Variants in CD209 observed in about 807,000 individuals in gnomAD.
CD209 encodes the protein CD209 molecule, also known as CD209 antigen.
Under a neutral mutation model 44.7 loss-of-function variants are expected in CD209, and 31 were observed. The observed-to-expected ratio is 0.69, with a 90% confidence interval of 0.52 to 0.94. The LOEUF (loss-of-function observed/expected upper bound fraction) is 0.94, where lower values mean the gene tolerates loss of function less well. Among genes scored for constraint, CD209 ranks in the 40% least tolerant of loss-of-function variants. The pLI is 0.00. For synonymous variants in CD209, 173 were observed against 181.3 expected, an observed-to-expected ratio of 0.95 and a Z score of 0.37; for missense variants, 407 against 452.4, an observed-to-expected ratio of 0.90 and a Z score of 0.91.
chr19:7,742,720 G>A lies in CD209; in HGVS notation c.*319C>T. 2.7e-6 allele frequency: 1 copy of A among 363,734 alleles called. No individual in the cohort carries two copies. Among genetic ancestry groups the A allele is most frequent in the South Asian group, 3.9e-5 (1 of 25,550 alleles). The allele number at this position is 363,734 out of a possible 1,614,324, so 22.5% of individuals were successfully genotyped here. ...AGTTGAACAGATGGTAGGTTTGCAT[G>A]TATAAGATAACGCCCCAGGGGACAT... On this transcript the variant is annotated 3_prime_UTR_variant, in exon 7 of 7. Coordinates refer to ENST00000315599, the MANE Select transcript of CD209 (RefSeq NM_021155.4).
chr19:7,741,238 G>A lies in CD209; in HGVS notation c.*1801C>T, dbSNP rs549990133. On this transcript the variant is annotated 3_prime_UTR_variant, in exon 7 of 7. Transcript: ENST00000315599. ...TGTAATCCCAGCACTTTGGGAGGAC[G>A]CGGCGGGCGAATCACGAGGTCAAGA... The A allele has an allele frequency of 7.6e-6, 4 of 529,428 alleles. No homozygotes were observed. Among genetic ancestry groups the A allele is most frequent in the African/African-American group, 1.9e-5 (1 of 51,386 alleles). The allele number at this position is 529,428 out of a possible 1,614,324, so 32.8% of individuals were successfully genotyped here.
Position 7,741,208 on chromosome 19 carries a change from A to C in CD209, c.*1831T>G. The C allele has an allele frequency of 1.3e-5, 9 of 713,782 alleles. No homozygotes were observed. Among genetic ancestry groups the C allele is most frequent in the South Asian group, 2.1e-5 (1 of 48,150 alleles). The allele number at this position is 713,782 out of a possible 1,614,324, so 44.2% of individuals were successfully genotyped here. On this transcript the variant is annotated 3_prime_UTR_variant, in exon 7 of 7. Coordinates refer to ENST00000315599, the MANE Select transcript of CD209 (RefSeq NM_021155.4). ...GGGGAGAGACTGGGCGCGGTGGCTC[A>C]GGCCTGTAATCCCAGCACTTTGGGA...
rs375667157 is a variant in CD209 at position 7,747,465 on chromosome 19, C to A, written c.46+1G>T. ...ATCCCAGCGTCCCAACCCAGCCTCA[C>A]CCAGGAGGCCCAGCTGCTGCAGTCT... On this transcript the variant is annotated splice_donor_variant, in intron 1 of 6. Transcript: ENST00000315599. LOFTEE classifies it high-confidence loss of function. 2 of 1,614,120 alleles carry A rather than the reference C, an allele frequency of 1.2e-6. No individual in the cohort carries two copies. The highest frequency in any genetic ancestry group is 1.7e-6 in the Non-Finnish European group (2 of 1,180,048).
chr19:7,744,326 T>C, intron 5 of CD209, 107 bp from the exon 6 acceptor site: 1 of 808,352 alleles, frequency 1.2e-6, no homozygotes, highest in East Asian at 2.5e-5. Flanking sequence ...CCTACAGCCT[T>C]CTGGTATACT....
chr19:7,744,838 G>A, intron 5 of CD209, 103 bp downstream of exon 5: 1 of 1,479,440 alleles, frequency 6.8e-7, no homozygotes, highest in Non-Finnish European at 9.2e-7. Flanking sequence ...TTCTTTCCAA[G>A]TGGAGCAAAA....
At chr19:7,747,395 G>A (rs747395841) in intron 1 of CD209, 30 bp from the exon 2 acceptor site, 2 of 1,614,218 alleles carry the variant, frequency 1.2e-6, no homozygotes, top group East Asian at 2.2e-5. Context: ...ATCAGAGCCT[G>A]GGCAGGCTGA....
At chr19:7,746,588 G>A in intron 2 of CD209, 57 bp from the exon 3 acceptor site, 1 of 1,566,894 alleles carries the variant, frequency 6.4e-7, no homozygotes, top group East Asian at 2.2e-5. Flanking sequence ...CTGGCCCAGG[G>A]AGAGCCTGGT....
rs770776053 is a variant in CD209 at position 7,745,603 on chromosome 19, CCGGG to C, written c.659_662del (p.Thr220SerfsTer2). ...GAAGCTCACCCACTGCAGCCTTCAG[CCGGG>C]TCAGCTCCTGGTAGATCTCCTGCTG... On this transcript the variant is annotated frameshift_variant, in exon 4 of 7. Coordinates refer to ENST00000315599, the MANE Select transcript of CD209 (RefSeq NM_021155.4). LOFTEE classifies it high-confidence loss of function. 1 of 633,932 alleles carries C rather than the reference CCGGG, an allele frequency of 1.6e-6. No homozygotes were observed. Among genetic ancestry groups the C allele is most frequent in the African/African-American group, 1.9e-5 (1 of 53,878 alleles). 39.3% of individuals were successfully genotyped at this position (633,932 alleles called of 1,614,324 possible).
At position 7,743,115 on chromosome 19, in the gene CD209, G is replaced by T; in HGVS notation, c.1139C>A (p.Ser380Tyr). Residue 380 changes from serine to tyrosine, a missense_variant, in exon 7 of 7, where the codon TCC (serine) becomes TAC (tyrosine). By Grantham distance (144) the Ser-to-Tyr change is moderately radical. Around this residue, in one of 3 missense-constraint regions of CD209, gnomAD observed 200 missense variants for 202.2 expected, o/e 0.99. Transcript: ENST00000315599. ...TTCATCCCTGGAGCAGGAGGCTGCG[G>T]ACTTTTTGCAGATCCAGAATTTGGC... The part of the protein sequence containing the change: ...NLAKFWICKK[S>Y]AASCSRDEEQ... The T allele has an allele frequency of 3.1e-6, 5 of 1,614,182 alleles. No homozygotes were observed. The highest frequency in any genetic ancestry group is 4.2e-6 in the Non-Finnish European group (5 of 1,180,018).
intron 4 of CD209, 118 bp downstream of exon 4, chr19:7,745,400 C>G (rs1355585601): frequency 4.6e-5 from 72 of 1,570,982 alleles, no homozygotes; most frequent in Non-Finnish European, 6.0e-5. Context: ...ATCACAGTTA[C>G]CCTGTGTTCT....
rs905947920 is a variant in CD209, at chr19:7,745,074, CAG to C, written c.765_766del (p.Cys256SerfsTer16). 9 of 1,614,194 alleles carry C rather than the reference CAG, an allele frequency of 5.6e-6. No individual in the cohort carries two copies. Among genetic ancestry groups the C allele is most frequent in the Non-Finnish European group, 7.6e-6 (9 of 1,180,036 alleles). ...TTGGAAGAATGTCCATTCCCAGGGA[CAG>C]GGGTGGCACAGGCGTTCTGTTGGGG... is the stretch of plus-strand genomic sequence containing the variant. On this transcript the variant is annotated frameshift_variant, in exon 5 of 7. Coordinates refer to ENST00000315599, the MANE Select transcript of CD209 (RefSeq NM_021155.4). LOFTEE classifies it high-confidence loss of function.
At position 7,740,623 on chromosome 19, in the gene CD209, T is replaced by G; in HGVS notation, c.*2416A>C. The G allele has an allele frequency of 1.3e-6, 1 of 792,202 alleles. No homozygotes were observed. The highest frequency in any genetic ancestry group is 2.4e-5 in the East Asian group (1 of 41,080). 49.1% of individuals were successfully genotyped at this position (792,202 alleles called of 1,614,324 possible). Reference sequence around the variant, plus strand: ...GACACTTTTATTGAAAAACAACAACTAGAAAAGCTATGGGGAAGAGAGAGG... The same window carrying G: ...GACACTTTTATTGAAAAACAACAACGAGAAAAGCTATGGGGAAGAGAGAGG... On this transcript the variant is annotated 3_prime_UTR_variant, in exon 7 of 7. Transcript: ENST00000315599.
At position 7,741,799 on chromosome 19, in the gene CD209, T is replaced by G. The variant is rs1464075597; in HGVS notation, c.*1240A>C. 2 of 505,746 alleles carry G rather than the reference T, an allele frequency of 4.0e-6. No individual in the cohort carries two copies. Among genetic ancestry groups the G allele is most frequent in the African/African-American group, 2.0e-5 (1 of 50,500 alleles). 31.3% of individuals were successfully genotyped at this position (505,746 alleles called of 1,614,324 possible). A position where few individuals can be genotyped will look rare whatever the true frequency, so the allele number is the denominator to read the frequency against. On this transcript the variant is annotated 3_prime_UTR_variant, in exon 7 of 7. Transcript: ENST00000315599. The stretch of plus-strand genomic sequence containing the variant: ...GAAATCCAATAGAGACCTCTGCTTG[T>G]CTCCTCCTTTGGCAAGAGCTCCAAG...
At chr19:7,744,370 C>A in intron 5 of CD209, 151 bp from the exon 6 acceptor site, 1 of 631,662 alleles carries the variant, frequency 1.6e-6, no homozygotes, top group East Asian at 2.7e-5. Flanking sequence ...GAGTCCCTCT[C>A]ACATGTGTAT....
intron 2 of CD209, among the ~76,000 whole-genome samples, chr19:7,747,071 G>C (rs1009194173): frequency 9.3e-5 from 14 of 151,226 alleles, no homozygotes; most frequent in African/African-American, 3.2e-4. Context: ...CAGGACCCAG[G>C]AACCCAGGCT....
At chr19:7,746,320 T>C (rs2033821436) in intron 3 of CD209, 140 bp downstream of exon 3, 3 of 1,076,520 alleles carry the variant, frequency 2.8e-6, no homozygotes, top group African/African-American at 1.6e-5. Flanking sequence ...GGAGGGGCTG[T>C]GGGAGAGGCC....
chr19:7,740,803 AGGAG>A lies in CD209; in HGVS notation c.*2232_*2235del. On this transcript the variant is annotated 3_prime_UTR_variant, in exon 7 of 7. Coordinates refer to ENST00000315599, the MANE Select transcript of CD209 (RefSeq NM_021155.4). The stretch of plus-strand genomic sequence containing the variant: ...GAACAGCAGAGGAAAGAGAGAGAGG[AGGAG>A]GAACAGAAACGACAGAAGAAACAAA... 2.7e-6 allele frequency: 2 copies of A among 754,632 alleles called. No individual in the cohort carries two copies. 46.7% of individuals were successfully genotyped at this position (754,632 alleles called of 1,614,324 possible).
At position 7,744,165 on chromosome 19, in the gene CD209, A is replaced by T. The variant is rs750681138; in HGVS notation, c.955T>A (p.Ser319Thr). ...RSNRFTWMGL[S>T]DLNQEGTWQW... Reference sequence around the variant, plus strand: ...CACGTGCCTTCCTGATTTAGATCTGAAAGTCCCATCCAGGTGAAGCGGTTA... The same window carrying T: ...CACGTGCCTTCCTGATTTAGATCTGTAAGTCCCATCCAGGTGAAGCGGTTA... Residue 319 changes from serine to threonine, a missense_variant, in exon 6 of 7, where the codon TCA becomes ACA. Physicochemically the swap from Ser to Thr is moderately conservative, Grantham distance 58. Transcript: ENST00000315599. The T allele has an allele frequency of 6.2e-7, 1 of 1,614,206 alleles. No individual in the cohort carries two copies. Among genetic ancestry groups the T allele is most frequent in the South Asian group, 1.1e-5 (1 of 91,088 alleles).
chr19:7,745,293 A>G (rs185610900), intron 4 of CD209, among the ~76,000 whole-genome samples: 24 of 152,190 alleles, frequency 1.6e-4, no homozygotes, highest in Admixed American at 1.1e-3. Flanking sequence ...CCAGACTAGG[A>G]GAAGTTGGGG....
Sources: allele counts gnomAD v4.1 joint callset (sites outside exome capture counted in the v4.1 genomes callset), GRCh38; gene constraint gnomAD v4.1.1; regional missense constraint gnomAD v4.1.1; transcripts MANE v1.5; gene names NCBI Gene and HGNC (gene_info 2026-07-23, HGNC 2026-07-21).